The following GRIK2 variants were observed in gnomAD, a reference collection of about 807,000 sequenced individuals.
GRIK2 encodes the protein glutamate ionotropic receptor kainate type subunit 2, also known as glutamate receptor ionotropic, kainate 2.
A neutral mutation model predicts 100.3 loss-of-function variants in GRIK2; 32 were observed. That is an observed-to-expected ratio of 0.32 (90% CI 0.24 to 0.43). GRIK2 has a LOEUF of 0.43. Among genes scored for constraint, GRIK2 ranks in the 20% least tolerant of loss-of-function variants. The pLI is 1.00. For synonymous variants in GRIK2, 417 were observed against 389.4 expected (o/e 1.07, Z -0.83); for missense variants, 843 against 1,114.9 (o/e 0.76, Z 3.47).
At chr6:101,641,788 G>C (rs1028573190) in intron 4 of GRIK2, among the ~76,000 whole-genome samples, 5 of 151,894 alleles carry the variant, frequency 3.3e-5, no homozygotes, top group Non-Finnish European at 5.9e-5. Flanking sequence ...CTACAGCAAA[G>C]ATCAAAAAGC....
At chr6:101,406,447 T>C (rs906295925) in intron 2 of GRIK2, among the ~76,000 whole-genome samples, 1 of 152,142 alleles carries the variant, frequency 6.6e-6, no homozygotes, top group Non-Finnish European at 1.5e-5. Context: ...GGAGGGTATG[T>C]CTTTTAGTTA....
intron 10 of GRIK2, among the ~76,000 whole-genome samples, chr6:101,832,548 G>A (rs919519156): frequency 1.3e-5 from 2 of 152,088 alleles, no homozygotes; most frequent in Non-Finnish European, 2.9e-5. Context: ...CTTCTTACTT[G>A]GCAGGTGGCC....
At chr6:102,007,959 G>T (rs775363709) in intron 14 of GRIK2, among the ~76,000 whole-genome samples, 4 of 152,042 alleles carry the variant, frequency 2.6e-5, no homozygotes, top group Non-Finnish European at 4.4e-5. Flanking sequence ...TTTTTAAACT[G>T]ATGGTCTTAC....
intron 14 of GRIK2, among the ~76,000 whole-genome samples, chr6:101,950,623 T>C (rs146626975): frequency 6.6e-5 from 10 of 152,318 alleles, no homozygotes; most frequent in African/African-American, 2.4e-4. Context: ...GCCTCTGGAA[T>C]AGGACAGTCT....
intron 14 of GRIK2, among the ~76,000 whole-genome samples, chr6:101,944,003 G>A (rs544985430): frequency 6.6e-6 from 1 of 152,130 alleles, no homozygotes; most frequent in East Asian, 1.9e-4. Context: ...TGAAGGAGGG[G>A]CCTGGCAGGA....
chr6:101,997,824 T>A (rs1250081226), intron 14 of GRIK2, among the ~76,000 whole-genome samples: 2 of 152,062 alleles, frequency 1.3e-5, no homozygotes, highest in African/African-American at 4.8e-5. Context: ...CTAATTCCTC[T>A]TTTTTCTTCT....
At chr6:101,936,846 A>G (rs1162172109) in intron 14 of GRIK2, among the ~76,000 whole-genome samples, 1 of 152,178 alleles carries the variant, frequency 6.6e-6, no homozygotes, top group Non-Finnish European at 1.5e-5. Flanking sequence ...CACTTTATCT[A>G]TAGTGAGAAC....
chr6:101,885,830 T>C (rs1455474832), intron 11 of GRIK2, among the ~76,000 whole-genome samples: 2 of 152,122 alleles, frequency 1.3e-5, no homozygotes, highest in African/African-American at 4.8e-5. Flanking sequence ...TCCCTTTCCA[T>C]TTCCATACAC....
At chr6:101,783,556 A>G (rs908153890) in intron 7 of GRIK2, among the ~76,000 whole-genome samples, 3 of 152,148 alleles carry the variant, frequency 2.0e-5, no homozygotes, top group Non-Finnish European at 4.4e-5. Flanking sequence ...TGAAAATGTG[A>G]AAGTGACTTT....
intron 2 of GRIK2, among the ~76,000 whole-genome samples, chr6:101,618,638 A>T (rs1780007539): frequency 6.6e-6 from 1 of 151,792 alleles, no homozygotes; most frequent in African/African-American, 2.4e-5. Flanking sequence ...GAAGCAATGT[A>T]GTGGCTTCCT....
intron 2 of GRIK2, among the ~76,000 whole-genome samples, chr6:101,589,101 T>C (rs1562245690): frequency 6.6e-6 from 1 of 152,112 alleles, no homozygotes; most frequent in African/African-American, 2.4e-5. Context: ...CTGGCTTGGA[T>C]AGTGGAGTGG....
intron 12 of GRIK2, among the ~76,000 whole-genome samples, chr6:101,918,651 C>T (rs1198000521): frequency 6.6e-6 from 1 of 151,644 alleles, no homozygotes; most frequent in Admixed American, 6.6e-5. Context: ...ATATTCAGCT[C>T]AGAGAGATTT....
At chr6:101,572,237 A>C (rs1777574136) in intron 2 of GRIK2, among the ~76,000 whole-genome samples, 1 of 152,070 alleles carries the variant, frequency 6.6e-6, no homozygotes, top group Non-Finnish European at 1.5e-5. Context: ...TTGGTAGCAA[A>C]TTCTTTCTAA....
intron 2 of GRIK2, among the ~76,000 whole-genome samples, chr6:101,531,617 G>A (rs1052494668): frequency 2.6e-5 from 4 of 151,754 alleles, no homozygotes; most frequent in African/African-American, 9.7e-5. Context: ...TGAAAGGGCA[G>A]TCTCTTTTTT....
intron 15 of GRIK2, among the ~76,000 whole-genome samples, chr6:102,041,469 A>T (rs187256479): frequency 6.6e-6 from 1 of 151,622 alleles, no homozygotes; most frequent in East Asian, 1.9e-4. Context: ...AGCTAGTCAA[A>T]TGTTTGTTCT....
At chr6:101,755,377 C>T (rs982056303) in intron 7 of GRIK2, among the ~76,000 whole-genome samples, 6 of 151,862 alleles carry the variant, frequency 4.0e-5, no homozygotes, top group African/African-American at 1.2e-4. Context: ...CATGTTAAGC[C>T]AGGATGGTCT....
At chr6:101,788,966 G>T (rs1303320786) in intron 7 of GRIK2, among the ~76,000 whole-genome samples, 2 of 151,854 alleles carry the variant, frequency 1.3e-5, no homozygotes, top group East Asian at 3.9e-4. Flanking sequence ...GGCCAGTGAT[G>T]ATGAGCTTTT....
At chr6:101,640,797 C>T (rs911822455) in intron 4 of GRIK2, among the ~76,000 whole-genome samples, 2 of 152,036 alleles carry the variant, frequency 1.3e-5, no homozygotes, top group Non-Finnish European at 2.9e-5. Context: ...TTAGTAACTC[C>T]ACTTGAGAAT....
At chr6:101,918,696 G>T (rs1481185552) in intron 12 of GRIK2, among the ~76,000 whole-genome samples, 1 of 151,598 alleles carries the variant, frequency 6.6e-6, no homozygotes, top group African/African-American at 2.4e-5. Context: ...TATGTATTTG[G>T]CTGGAATTCA....
Sources: gnomAD v4.1 joint callset for allele counts (sites outside exome capture counted in the v4.1 genomes callset) on GRCh38, gnomAD v4.1.1 for gene constraint, MANE v1.5 for transcripts, NCBI Gene and HGNC (gene_info 2026-07-23, HGNC 2026-07-21) for gene names.